Variants in CENPP observed in about 807,000 individuals in gnomAD.
CENPP encodes centromere protein P.
In CENPP, 24 loss-of-function variants were observed where a neutral mutation model predicts 35.6. The ratio of observed to expected loss-of-function variants is 0.67; its 90% CI spans 0.49 to 0.95. The LOEUF is 0.95. CENPP is among the 40% of genes least tolerant of loss of function. The pLI is 0.00. For missense variants in CENPP, 332 were observed against 345.3 expected, an observed-to-expected ratio of 0.96 and a Z score of 0.31; for synonymous variants, 120 against 125.5, an observed-to-expected ratio of 0.96 and a Z score of 0.29.
At chr9:92,606,287 C>T (rs967077299) in intron 5 of CENPP, among the ~76,000 whole-genome samples, 2 of 152,090 alleles carry the variant, frequency 1.3e-5, no homozygotes, top group Admixed American at 6.6e-5. Context: ...GGCAAAACAT[C>T]TGAATAAACA....
intron 4 of CENPP, among the ~76,000 whole-genome samples, chr9:92,354,812 G>C (rs1190101916): frequency 6.6e-6 from 1 of 152,162 alleles, no homozygotes; most frequent in Non-Finnish European, 1.5e-5. Context: ...GAGAAATAAA[G>C]AGAAAGAGTA....
intron 5 of CENPP, among the ~76,000 whole-genome samples, chr9:92,430,655 C>A (rs1020303490): frequency 6.6e-6 from 1 of 152,042 alleles, no homozygotes; most frequent in Non-Finnish European, 1.5e-5. Context: ...CACGCCTGGA[C>A]AAGTTTATCC....
intron 5 of CENPP, among the ~76,000 whole-genome samples, chr9:92,526,746 G>A (rs1848437841): frequency 6.6e-6 from 1 of 151,858 alleles, no homozygotes; most frequent in African/African-American, 2.4e-5. Context: ...TTAAATTACA[G>A]TAAGCTAAGG....
chr9:92,600,952 A>G (rs1850897863), intron 5 of CENPP, among the ~76,000 whole-genome samples: 2 of 152,166 alleles, frequency 1.3e-5, no homozygotes, highest in South Asian at 4.1e-4. Context: ...GTCCCCACAC[A>G]GGGTCAGACA....
chr9:92,397,760 T>C (rs1480970685), intron 5 of CENPP, among the ~76,000 whole-genome samples: 1 of 152,188 alleles, frequency 6.6e-6, no homozygotes, highest in African/African-American at 2.4e-5. Context: ...AATGTGTGTG[T>C]TTATTTGTCT....
chr9:92,420,524 C>T (rs1843758380), intron 5 of CENPP, among the ~76,000 whole-genome samples: 1 of 152,148 alleles, frequency 6.6e-6, no homozygotes, highest in East Asian at 1.9e-4. Flanking sequence ...AAGTGCTGTC[C>T]TGCTGCATTT....
chr9:92,615,886 C>T lies in CENPP; in HGVS notation c.*2737C>T. On this transcript the variant is annotated 3_prime_UTR_variant, in exon 8 of 8. Coordinates refer to ENST00000375587, the MANE Select transcript of CENPP (RefSeq NM_001012267.3). The stretch of plus-strand genomic sequence containing the variant: ...CTTCGCTTTCCTTGAACCGAGTCGA[C>T]ATCACGGCGTTGTCTTTGGCACGTA... 6.2e-7 allele frequency: 1 copy of T among 1,614,230 alleles called. No individual in the cohort carries two copies. Among genetic ancestry groups the T allele is most frequent in the Non-Finnish European group, 8.5e-7 (1 of 1,180,042 alleles).
chr9:92,494,909 A>T (rs1280531250), intron 5 of CENPP, among the ~76,000 whole-genome samples: 1 of 152,132 alleles, frequency 6.6e-6, no homozygotes, highest in African/African-American at 2.4e-5. Flanking sequence ...CCGTCTAAAA[A>T]AATAATAATA....
At chr9:92,331,970 A>C (rs1241244459) in intron 1 of CENPP, among the ~76,000 whole-genome samples, 200 bp from the exon 2 acceptor site, 1 of 152,216 alleles carries the variant, frequency 6.6e-6, no homozygotes, top group Non-Finnish European at 1.5e-5. Context: ...GAAAGAAAAA[A>C]AAAGTGGTGG....
At chr9:92,547,745 A>T (rs1849502895) in intron 5 of CENPP, among the ~76,000 whole-genome samples, 1 of 152,258 alleles carries the variant, frequency 6.6e-6, no homozygotes, top group Non-Finnish European at 1.5e-5. Context: ...GATGGCCCTA[A>T]CTAGGAATAT....
intron 5 of CENPP, among the ~76,000 whole-genome samples, chr9:92,498,211 GC>G (rs1846468527): frequency 6.6e-6 from 1 of 152,058 alleles, no homozygotes; most frequent in Non-Finnish European, 1.5e-5. Flanking sequence ...ATGTATGTAG[GC>G]TTTTGTTTGC....
At chr9:92,543,175 A>G (rs575806572) in intron 5 of CENPP, among the ~76,000 whole-genome samples, 24 of 152,228 alleles carry the variant, frequency 1.6e-4, no homozygotes, top group African/African-American at 5.3e-4. Flanking sequence ...GTTTTCTTTG[A>G]TCAAGATGGC....
chr9:92,394,666 G>A (rs565310756), intron 5 of CENPP, among the ~76,000 whole-genome samples: 1 of 152,008 alleles, frequency 6.6e-6, no homozygotes, highest in East Asian at 1.9e-4. Flanking sequence ...GTGCAGTGGT[G>A]TGATCTCGGC....
chr9:92,501,161 C>A, intron 5 of CENPP: 1 of 1,141,186 alleles, frequency 8.8e-7, no homozygotes, highest in Non-Finnish European at 1.2e-6. Context: ...CTATAAGCAC[C>A]CAGTTTGTAG....
chr9:92,408,178 C>G (rs921261731), intron 5 of CENPP, among the ~76,000 whole-genome samples: 1 of 151,982 alleles, frequency 6.6e-6, no homozygotes, highest in Admixed American at 6.5e-5. Context: ...CACCTGAGTT[C>G]TAGTTTTTGT....
At chr9:92,408,504 C>T (rs1843365716) in intron 5 of CENPP, among the ~76,000 whole-genome samples, 1 of 152,148 alleles carries the variant, frequency 6.6e-6, no homozygotes, top group South Asian at 2.1e-4. Flanking sequence ...TTTGATTCTT[C>T]ATGAACCTTC....
At chr9:92,588,376 T>C (rs964591003) in intron 5 of CENPP, among the ~76,000 whole-genome samples, 1 of 151,048 alleles carries the variant, frequency 6.6e-6, no homozygotes, top group Non-Finnish European at 1.5e-5. Flanking sequence ...GTCTCCCGAG[T>C]AGCTGGGACT....
chr9:92,442,222 A>G, intron 5 of CENPP, among the ~76,000 whole-genome samples: 1 of 151,868 alleles, frequency 6.6e-6, no homozygotes, highest in East Asian at 1.9e-4. Flanking sequence ...ACATGGAGAA[A>G]CCCCGTCTCT....
At chr9:92,597,021 C>A (rs1374190539) in intron 5 of CENPP, among the ~76,000 whole-genome samples, 1 of 152,092 alleles carries the variant, frequency 6.6e-6, no homozygotes, top group East Asian at 1.9e-4. Context: ...CTGAATTATG[C>A]TGCTACAAAT....
Sources: allele counts gnomAD v4.1 joint callset (sites outside exome capture counted in the v4.1 genomes callset), GRCh38; gene constraint gnomAD v4.1.1; transcripts MANE v1.5; gene names NCBI Gene and HGNC (gene_info 2026-07-23, HGNC 2026-07-21).